CEP170: variants seen among roughly 807,000 people sequenced by gnomAD.
CEP170 encodes centrosomal protein 170, also known as centrosomal protein of 170 kDa.
CEP170 carries 21 observed loss-of-function variants against 151.9 expected under a neutral mutation model. The observed-to-expected ratio is 0.14, with a 90% CI of 0.10 to 0.20. The LOEUF is 0.20. Ranked by LOEUF, CEP170 falls within the 10% of genes least tolerant of loss-of-function variation. The pLI is 1.00. For synonymous variants in CEP170, 356 were observed against 648.8 expected, an observed-to-expected ratio of 0.55 and a Z score of 6.86; for missense variants, 964 against 1,892.9, an observed-to-expected ratio of 0.51 and a Z score of 9.11.
chr1:243,131,818 C>CT (rs2054454170), intron 17 of CEP170, among the ~76,000 whole-genome samples: 1 of 152,150 alleles, frequency 6.6e-6, no homozygotes, highest in African/African-American at 2.4e-5. Flanking sequence ...AATTCCAAAG[C>CT]TTATTTCATT....
rs912082960 is a variant in CEP170, at chr1:243,124,939, C to CTA, written c.*1508_*1509dup. 11 of 151,802 alleles carry CTA rather than the reference C, an allele frequency of 7.2e-5. No homozygotes were observed. The highest frequency in any genetic ancestry group is 5.3e-4 in the Admixed American group (8 of 15,206). The allele number at this position is 151,802 out of a possible 1,614,324, so 9.4% of individuals were successfully genotyped here. A position where few individuals can be genotyped will look rare whatever the true frequency, so the allele number is the denominator to read the frequency against. On this transcript the variant is annotated 3_prime_UTR_variant, in exon 20 of 20. Coordinates refer to ENST00000366542, the MANE Select transcript of CEP170 (RefSeq NM_014812.3). ...CCATTATAGTTTTGTTTTTACATCTCTATAAAGTTTTTTTGCATCTTTATT... is the reference window on the plus strand; with the variant it reads ...CCATTATAGTTTTGTTTTTACATCTCTATATAAAGTTTTTTTGCATCTTTATT...
chr1:243,180,894 T>C (rs1309475085), intron 10 of CEP170, among the ~76,000 whole-genome samples: 1 of 152,180 alleles, frequency 6.6e-6, no homozygotes, highest in Non-Finnish European at 1.5e-5. Flanking sequence ...GAAAAGACGC[T>C]AGTAAGAGGC....
At chr1:243,156,104 T>A (rs1376819374) in intron 14 of CEP170, 117 bp downstream of exon 14, 4 of 1,298,828 alleles carry the variant, frequency 3.1e-6, no homozygotes, top group Non-Finnish European at 4.1e-6. Context: ...TTCACAGTTA[T>A]CTGTGGATTT....
intron 10 of CEP170, among the ~76,000 whole-genome samples, chr1:243,178,100 G>C (rs1406883517): frequency 6.6e-6 from 1 of 152,126 alleles, no homozygotes; most frequent in East Asian, 1.9e-4. Flanking sequence ...GGCCGAAGGC[G>C]GGTGGATCAC....
chr1:243,188,978 G>T (rs779789377), intron 8 of CEP170, among the ~76,000 whole-genome samples: 28 of 152,152 alleles, frequency 1.8e-4, no homozygotes, highest in Non-Finnish European at 3.1e-4. Context: ...CAAAAAATGA[G>T]TTATATTCAC....
chr1:243,139,266 T>A (rs2055536066), intron 16 of CEP170, among the ~76,000 whole-genome samples: 1 of 152,092 alleles, frequency 6.6e-6, no homozygotes, highest in African/African-American at 2.4e-5. Flanking sequence ...CACGCCCGGC[T>A]AATTTTCTTA....
At chr1:243,243,715 A>G (rs2065086846) in intron 1 of CEP170, among the ~76,000 whole-genome samples, 1 of 151,904 alleles carries the variant, frequency 6.6e-6, no homozygotes, top group African/African-American at 2.4e-5. Context: ...TAAAGTAGAG[A>G]CAGGGTTTCA....
At chr1:243,204,441 T>C (rs1358281003) in intron 4 of CEP170, among the ~76,000 whole-genome samples, 2 of 152,184 alleles carry the variant, frequency 1.3e-5, no homozygotes, top group African/African-American at 4.8e-5. Flanking sequence ...ACAACTTCTT[T>C]GGGAAAATAC....
intron 1 of CEP170, among the ~76,000 whole-genome samples, 195 bp downstream of exon 1, chr1:243,254,845 G>A (rs2066456257): frequency 6.6e-6 from 1 of 151,874 alleles, no homozygotes; most frequent in South Asian, 2.1e-4. Flanking sequence ...GTCCCAGGCG[G>A]GCAGAGGGTG....
In CEP170 at chr1:243,165,150, G is replaced by A; in HGVS notation, c.2810C>T (p.Thr937Ile). 6.2e-7 allele frequency: 1 copy of A among 1,613,490 alleles called. No individual in the cohort carries two copies. The highest frequency in any genetic ancestry group is 8.5e-7 in the Non-Finnish European group (1 of 1,179,662). Reference protein sequence around the residue: ...NSISPESDVDTASTISLVTGE... With the variant: ...NSISPESDVDIASTISLVTGE... ...AGTAACCAGACTGATTGTACTAGCT[G>A]TATCTACATCAGATTCTGGTGAAAT... Residue 937 changes from threonine (T) to isoleucine (I), a missense_variant, in exon 13 of 20, where the codon ACA becomes ATA. Coordinates refer to ENST00000366542, the MANE Select transcript of CEP170 (RefSeq NM_014812.3).
intron 10 of CEP170, among the ~76,000 whole-genome samples, chr1:243,178,597 G>A (rs1346585157): frequency 1.3e-5 from 2 of 152,060 alleles, no homozygotes; most frequent in East Asian, 1.9e-4. Flanking sequence ...TAGTGCTGAT[G>A]GTTGTACAAC....
intron 3 of CEP170, among the ~76,000 whole-genome samples, chr1:243,213,192 A>C (rs1025049620): frequency 2.6e-5 from 4 of 152,070 alleles, no homozygotes; most frequent in African/African-American, 9.7e-5. Context: ...ACACATGGTT[A>C]GTGGCTACTG....
intron 14 of CEP170, among the ~76,000 whole-genome samples, chr1:243,143,403 T>C (rs2056110733): frequency 6.6e-6 from 1 of 152,062 alleles, no homozygotes; most frequent in Non-Finnish European, 1.5e-5. Flanking sequence ...TTAGTACTCA[T>C]TTCCATAAAG....
chr1:243,152,214 C>CTG (rs2057148670), intron 14 of CEP170, among the ~76,000 whole-genome samples: 1 of 151,882 alleles, frequency 6.6e-6, no homozygotes, highest in South Asian at 2.1e-4. Context: ...GATCAAGGAG[C>CTG]CATTTTGATT....
chr1:243,186,538 A>G, intron 8 of CEP170, 116 bp from the exon 9 acceptor site: 1 of 1,119,866 alleles, frequency 8.9e-7, no homozygotes, highest in African/African-American at 1.6e-5. Context: ...ATCCAAAGTC[A>G]TATGTTCTCT....
chr1:243,146,557 G>C (rs2056509827), intron 14 of CEP170, among the ~76,000 whole-genome samples: 1 of 151,394 alleles, frequency 6.6e-6, no homozygotes, highest in Non-Finnish European at 1.5e-5. Context: ...GTTTCATTAA[G>C]TATTTGGTTT....
chr1:243,147,593 C>T (rs1230113267), intron 14 of CEP170, among the ~76,000 whole-genome samples: 1 of 152,124 alleles, frequency 6.6e-6, no homozygotes, highest in Admixed American at 6.5e-5. Context: ...TCAACATATG[C>T]AGGTGTGAAT....
At chr1:243,243,424 A>C (rs918774706) in intron 1 of CEP170, among the ~76,000 whole-genome samples, 9 of 152,228 alleles carry the variant, frequency 5.9e-5, no homozygotes, top group African/African-American at 2.2e-4. Flanking sequence ...CCTCTAGATC[A>C]GAGAAACAAT....
intron 4 of CEP170, among the ~76,000 whole-genome samples, chr1:243,208,297 C>G (rs925838746): frequency 5.9e-5 from 9 of 152,130 alleles, no homozygotes; most frequent in East Asian, 1.9e-4. Flanking sequence ...CCCACTCCAC[C>G]CTTAGTTTTC....
Sources: allele counts gnomAD v4.1 joint callset (sites outside exome capture counted in the v4.1 genomes callset), GRCh38; gene constraint gnomAD v4.1.1; transcripts MANE v1.5; gene names NCBI Gene and HGNC (gene_info 2026-07-23, HGNC 2026-07-21).